PSD3: variants seen among roughly 807,000 people sequenced by gnomAD.
PSD3 encodes the protein PH and SEC7 domain-containing protein 3.
PSD3 carries 49 observed loss-of-function variants against 105.5 expected under a neutral mutation model. That is an observed-to-expected ratio of 0.46 (90% CI 0.37 to 0.59). The LOEUF is 0.59. Ranked by LOEUF, PSD3 falls within the 20% of genes least tolerant of loss-of-function variation. PSD3 has a pLI of 0.00. For synonymous variants in PSD3, 557 were observed against 457.8 expected (o/e 1.22, Z -2.77); for missense variants, 1,561 against 1,263.8 (o/e 1.24, Z -3.57).
intron 4 of PSD3, among the ~76,000 whole-genome samples, chr8:18,809,267 C>T (rs943011336): frequency 3.3e-5 from 5 of 152,268 alleles, no homozygotes; most frequent in Middle Eastern, 3.4e-3. Context: ...AAATAAATCC[C>T]TACCAGTCAC....
At chr8:18,827,149 T>C (rs1813260444) in intron 4 of PSD3, among the ~76,000 whole-genome samples, 2 of 152,204 alleles carry the variant, frequency 1.3e-5, no homozygotes, top group Non-Finnish European at 2.9e-5. Flanking sequence ...TACAGCTCCC[T>C]ATACCCAGAA....
intron 8 of PSD3, among the ~76,000 whole-genome samples, chr8:18,770,920 G>T (rs1453187221): frequency 1.3e-5 from 2 of 152,212 alleles, no homozygotes; most frequent in Non-Finnish European, 2.9e-5. Context: ...GGTAAATGCA[G>T]GAAATTTTAT....
chr8:18,682,948 C>A (rs1484021881), intron 9 of PSD3, among the ~76,000 whole-genome samples: 1 of 152,076 alleles, frequency 6.6e-6, no homozygotes, highest in Non-Finnish European at 1.5e-5. Flanking sequence ...CCGTTATAAT[C>A]ATCTCCATCT....
At chr8:18,583,324 G>A (rs986665158) in intron 12 of PSD3, among the ~76,000 whole-genome samples, 1 of 152,048 alleles carries the variant, frequency 6.6e-6, no homozygotes, top group Non-Finnish European at 1.5e-5. Context: ...AGCTACTCAG[G>A]GGGCTGAAGT....
At chr8:18,765,565 C>T in intron 8 of PSD3, 27 bp from the exon 9 acceptor site, 1 of 1,475,696 alleles carries the variant, frequency 6.8e-7, no homozygotes, top group South Asian at 1.1e-5. Context: ...CAGTACATCA[C>T]TATGACATTC....
At chr8:18,851,852 G>T (rs1815599294) in intron 4 of PSD3, among the ~76,000 whole-genome samples, 1 of 152,216 alleles carries the variant, frequency 6.6e-6, no homozygotes, top group East Asian at 1.9e-4. Flanking sequence ...ATTCCTTCTG[G>T]AGAGTGGGAC....
chr8:18,867,991 G>A lies in PSD3; in HGVS notation c.1317C>T (p.Asp439=), dbSNP rs750642080. The change falls in exon 4 of 16, where the codon GAC becomes GAT. Residue 439 remains aspartate, a synonymous_variant. Coordinates refer to ENST00000327040, the MANE Select transcript of PSD3 (RefSeq NM_015310.4). ...LGPGYTEDST[D]VYSSQFETIL... ...TGGTTTCAAACTGGGAGCTGTACAC[G>A]TCGGTGGAGTCCTCCGTATATCCAG... 1.9e-5 allele frequency: 30 copies of A among 1,614,120 alleles called. No homozygotes were observed. The East Asian group carries it at 3.3e-4, about 18-fold the overall frequency.
intron 4 of PSD3, among the ~76,000 whole-genome samples, chr8:18,818,563 T>C (rs1243311999): frequency 1.3e-5 from 2 of 151,980 alleles, no homozygotes; most frequent in African/African-American, 2.4e-5. Flanking sequence ...AAGAGGTTAG[T>C]GACATAAGCT....
intron 1 of PSD3, among the ~76,000 whole-genome samples, chr8:19,065,653 G>A (rs964326830): frequency 5.3e-5 from 8 of 152,218 alleles, no homozygotes; most frequent in African/African-American, 1.4e-4. Flanking sequence ...GGCAAGGCAC[G>A]TGGTAAGGGG....
At chr8:18,795,708 A>G (rs185883213) in intron 8 of PSD3, among the ~76,000 whole-genome samples, 16 of 152,310 alleles carry the variant, frequency 1.1e-4, no homozygotes, top group African/African-American at 3.6e-4. Flanking sequence ...GAACCTGACT[A>G]AACTGTGACT....
chr8:18,708,899 C>A (rs972537957), intron 9 of PSD3, among the ~76,000 whole-genome samples: 1 of 152,150 alleles, frequency 6.6e-6, no homozygotes, highest in Non-Finnish European at 1.5e-5. Context: ...ACTCCCACCT[C>A]CAGTCAAGGG....
At chr8:18,929,705 A>T (rs1267917917) in intron 2 of PSD3, among the ~76,000 whole-genome samples, 1 of 152,166 alleles carries the variant, frequency 6.6e-6, no homozygotes. Flanking sequence ...GAAAAAAACA[A>T]ACTCCAACAG....
chr8:18,967,273 T>A (rs4921975), intron 1 of PSD3, among the ~76,000 whole-genome samples: 1 of 151,522 alleles, frequency 6.6e-6, no homozygotes. Context: ...CTCCCGCTTC[T>A]GCCTCCCGAA....
intron 1 of PSD3, among the ~76,000 whole-genome samples, chr8:18,980,845 G>C (rs576987174): frequency 2.6e-4 from 39 of 152,202 alleles, no homozygotes; most frequent in African/African-American, 8.9e-4. Flanking sequence ...TCCTAATTCG[G>C]AACACTGAGT....
chr8:18,625,183 G>T (rs1451191182), intron 11 of PSD3, among the ~76,000 whole-genome samples: 2 of 102,508 alleles, frequency 2.0e-5, no homozygotes, highest in Admixed American at 9.8e-5. Flanking sequence ...ACTGAGGTGG[G>T]GAATACACAC....
intron 9 of PSD3, among the ~76,000 whole-genome samples, chr8:18,756,335 G>C (rs1400856644): frequency 6.6e-6 from 1 of 152,098 alleles, no homozygotes; most frequent in Non-Finnish European, 1.5e-5. Flanking sequence ...AAAAAGTTCA[G>C]ACCTTTTTCT....
chr8:18,888,191 C>CCCAAATATAAGAGGATATAGATGG, intron 2 of PSD3, among the ~76,000 whole-genome samples: 1 of 152,122 alleles, frequency 6.6e-6, no homozygotes, highest in South Asian at 2.1e-4. Context: ...AGAAGCCTGG[C>CCCAAATATAAGAGGATATAGATGG]CCAAATATAA....
At chr8:18,793,201 T>G (rs1809889699) in intron 8 of PSD3, among the ~76,000 whole-genome samples, 1 of 151,982 alleles carries the variant, frequency 6.6e-6, no homozygotes, top group South Asian at 2.1e-4. Context: ...AGGGATAGCA[T>G]TAGGAGATAT....
intron 7 of PSD3, among the ~76,000 whole-genome samples, 197 bp from the exon 8 acceptor site, chr8:18,799,550 G>C (rs944416668): frequency 6.6e-6 from 1 of 152,176 alleles, no homozygotes; most frequent in Non-Finnish European, 1.5e-5. Flanking sequence ...GGACTCCACT[G>C]TTGATAAGTT....
Sources: gnomAD v4.1 joint callset for allele counts (sites outside exome capture counted in the v4.1 genomes callset) on GRCh38, gnomAD v4.1.1 for gene constraint, MANE v1.5 for transcripts, NCBI Gene and HGNC (gene_info 2026-07-23, HGNC 2026-07-21) for gene names.